Variants in CHEK2 observed in about 807,000 individuals in gnomAD.
CHEK2 encodes serine/threonine-protein kinase Chk2.
In CHEK2, 71 loss-of-function variants were observed where a neutral mutation model predicts 69.1. The observed-to-expected ratio is 1.03, with a 90% CI of 0.85 to 1.25. The LOEUF is 1.25. Ranked by LOEUF, CHEK2 falls within the 50% of genes most tolerant of loss-of-function variation. The probability of loss-of-function intolerance (pLI) is 0.00; values close to 1 mark genes in which losing one functional copy is unlikely to be tolerated. For missense variants in CHEK2, 664 were observed against 649.6 expected (o/e 1.02, Z -0.24); for synonymous variants, 189 against 226.9 (o/e 0.83, Z 1.50).
chr22:28,699,821 T>A lies in CHEK2; in HGVS notation c.1008+17A>T. The A allele has an allele frequency of 6.4e-7, 1 of 1,559,328 alleles. No individual in the cohort carries two copies. The highest frequency in any genetic ancestry group is 8.8e-7 in the Non-Finnish European group (1 of 1,130,120). ...AAAAGAAAGGCAGCTGTCAAAAGAA[T>A]TGAGGGCTTCTTTTACCTGCACAGC... On this transcript the variant is annotated intron_variant, in intron 9 of 14. Transcript: ENST00000404276.
intron 1 of CHEK2, chr22:28,737,170 A>C (rs2054435358): frequency 2.8e-6 from 1 of 361,864 alleles, no homozygotes; most frequent in East Asian, 7.7e-5. Context: ...TGGATGCCTG[A>C]AACCTCGCAT....
chr22:28,724,067 GAATC>G (rs1226279687), intron 4 of CHEK2, among the ~76,000 whole-genome samples: 1 of 152,178 alleles, frequency 6.6e-6, no homozygotes, highest in Non-Finnish European at 1.5e-5. Context: ...GGTATAAACT[GAATC>G]AATCAATGAA....
chr22:28,689,301 G>A, intron 13 of CHEK2, 86 bp from the exon 14 acceptor site: 1 of 964,168 alleles, frequency 1.0e-6, no homozygotes, highest in Non-Finnish European at 1.6e-6. Context: ...CCTGTGGAAA[G>A]AGGGAGGAAA....
At chr22:28,722,196 C>T (rs1177285897) in intron 4 of CHEK2, among the ~76,000 whole-genome samples, 3 of 151,976 alleles carry the variant, frequency 2.0e-5, no homozygotes, top group East Asian at 3.9e-4. Context: ...CCTAGGTACC[C>T]ACAAACAGCA....
intron 2 of CHEK2, among the ~76,000 whole-genome samples, chr22:28,732,402 C>A (rs542453252): frequency 2.0e-5 from 3 of 151,690 alleles, no homozygotes; most frequent in Non-Finnish European, 4.4e-5. Context: ...TGAGCCACCA[C>A]GCCTGGCCTA....
intron 5 of CHEK2, among the ~76,000 whole-genome samples, chr22:28,715,626 GC>G (rs1569145396): frequency 1.3e-5 from 2 of 151,940 alleles, no homozygotes; most frequent in Admixed American, 1.3e-4. Flanking sequence ...TACTGTGTCA[GC>G]CCGGCTGGTC....
chr22:28,710,142 C>G, intron 6 of CHEK2, 83 bp from the exon 7 acceptor site: 1 of 962,856 alleles, frequency 1.0e-6, no homozygotes. Flanking sequence ...ACTCAGTTGA[C>G]TCAAGGCTGC....
chr22:28,690,662 A>G (rs1378918130), intron 13 of CHEK2, among the ~76,000 whole-genome samples: 3 of 151,928 alleles, frequency 2.0e-5, no homozygotes, highest in African/African-American at 7.3e-5. Context: ...AATTAGCCAG[A>G]CATGGTGGCA....
rs943624029 is a variant in CHEK2, at chr22:28,716,627, T to C, written c.683+2768A>G. Among the ~76,000 whole-genome samples the C allele has an allele frequency of 3.3e-5, 5 of 152,352 alleles. No individual in the cohort carries two copies. In the Middle Eastern group the frequency reaches 0.01, roughly 311 times the overall value. Reference sequence around the variant, plus strand: ...CCATATAATACAGAGGATACTGTGCTTAACTATGTTGCAGGAATATGGATG... The same window carrying C: ...CCATATAATACAGAGGATACTGTGCCTAACTATGTTGCAGGAATATGGATG... On this transcript the variant is annotated intron_variant, in intron 5 of 14. Coordinates refer to ENST00000404276, the MANE Select transcript of CHEK2 (RefSeq NM_007194.4).
intron 4 of CHEK2, among the ~76,000 whole-genome samples, chr22:28,720,947 G>A (rs919074394): frequency 6.6e-6 from 1 of 152,176 alleles, no homozygotes; most frequent in Non-Finnish European, 1.5e-5. Context: ...GAGAAGTGGG[G>A]AGAGAAAACA....
chr22:28,737,152 C>T (rs906408440), intron 1 of CHEK2: 11 of 343,008 alleles, frequency 3.2e-5, no homozygotes, highest in Middle Eastern at 1.1e-3. Flanking sequence ...AGATCCAAGA[C>T]CCCCCAGTGG....
At chr22:28,729,080 G>A (rs1191581843) in intron 2 of CHEK2, among the ~76,000 whole-genome samples, 2 of 152,086 alleles carry the variant, frequency 1.3e-5, no homozygotes, top group Non-Finnish European at 2.9e-5. Flanking sequence ...AATTCGGAAC[G>A]GAACACTGTC....
At chr22:28,718,921 C>T (rs569380589) in intron 5 of CHEK2, among the ~76,000 whole-genome samples, 1 of 131,720 alleles carries the variant, frequency 7.6e-6, no homozygotes, top group Admixed American at 7.6e-5. Context: ...CACACACACA[C>T]AGGAAATAAA....
intron 5 of CHEK2, among the ~76,000 whole-genome samples, chr22:28,717,058 A>G (rs905839574): frequency 6.6e-6 from 1 of 152,188 alleles, no homozygotes; most frequent in Non-Finnish European, 1.5e-5. Context: ...CTTCTCACTA[A>G]TCTTTTTAAT....
At position 28,719,409 on chromosome 22, in the gene CHEK2, T is replaced by G; in HGVS notation, c.669A>C (p.Ser223=). 1.3e-6 allele frequency: 2 copies of G among 1,585,044 alleles called. No individual in the cohort carries two copies. The highest frequency in any genetic ancestry group is 1.7e-6 in the Non-Finnish European group (2 of 1,162,300). ...AAATAATTTACCTTCCAAGAGTTTT[T>G]GACATGATGTATTCATCTCTTAATG... ...PKALRDEYIM[S]KTLGSGACGE... The change falls in exon 5 of 15, where the codon TCA becomes TCC. Residue 223 remains serine (S), a synonymous_variant. Coordinates refer to ENST00000404276, the MANE Select transcript of CHEK2 (RefSeq NM_007194.4).
At chr22:28,725,528 AAAC>A (rs1291386867) in intron 2 of CHEK2, among the ~76,000 whole-genome samples, 161 bp from the exon 3 acceptor site, 1 of 152,200 alleles carries the variant, frequency 6.6e-6, no homozygotes, top group Non-Finnish European at 1.5e-5. Context: ...AGGAGAGAAA[AAAC>A]AACATTACCA....
chr22:28,729,107 C>T (rs1569163241), intron 2 of CHEK2, among the ~76,000 whole-genome samples: 1 of 152,142 alleles, frequency 6.6e-6, no homozygotes, highest in Non-Finnish European at 1.5e-5. Context: ...TCTATGAGGC[C>T]AGCATACCAA....
rs796389290 is a variant in CHEK2 at position 28,725,040 on chromosome 22, T to A, written c.529A>T (p.Lys177Ter). Residue 177 changes from lysine (K) to a stop codon, truncating the protein, a stop_gained, in exon 4 of 15, where the codon AAA becomes TAA. Coordinates refer to ENST00000404276, the MANE Select transcript of CHEK2 (RefSeq NM_007194.4). LOFTEE classifies it high-confidence loss of function. ...GTFVNTELVG[K>*]GKRRPLNNNS... ...TTATTCAAAGGACGGCGTTTTCCTT[T>A]CCCTACAAGCTCTGTATTTACAAAG... 11 of 1,614,154 alleles carry A rather than the reference T, an allele frequency of 6.8e-6. No individual in the cohort carries two copies. Among genetic ancestry groups the A allele is most frequent in the Non-Finnish European group, 9.3e-6 (11 of 1,180,018 alleles).
chr22:28,706,099 C>A (rs1360749723), intron 7 of CHEK2, among the ~76,000 whole-genome samples: 2 of 152,100 alleles, frequency 1.3e-5, no homozygotes, highest in African/African-American at 2.4e-5. Context: ...CAAGACCACC[C>A]TGGCCAACAT....
Sources: gnomAD v4.1 joint callset for allele counts (sites outside exome capture counted in the v4.1 genomes callset) on GRCh38, gnomAD v4.1.1 for gene constraint, MANE v1.5 for transcripts, NCBI Gene and HGNC (gene_info 2026-07-23, HGNC 2026-07-21) for gene names.